HERC1: variants seen among roughly 807,000 people sequenced by gnomAD.
HERC1 encodes the protein probable E3 ubiquitin-protein ligase HERC1.
A neutral mutation model predicts 554.3 loss-of-function variants in HERC1; 160 were observed. That is an observed-to-expected ratio of 0.29 (90% CI 0.25 to 0.33). The LOEUF is 0.33. Ranked by LOEUF, HERC1 falls within the 10% of genes least tolerant of loss-of-function variation. The pLI is 1.00. For missense variants in HERC1, 4,919 were observed against 5,918.5 expected (o/e 0.83, Z 5.54); for synonymous variants, 2,175 against 2,131.7 (o/e 1.02, Z -0.56).
intron 24 of HERC1, 26 bp from the exon 25 acceptor site, chr15:63,706,857 TAAA>T (rs2073034040): frequency 7.0e-7 from 1 of 1,427,452 alleles, no homozygotes; most frequent in African/African-American, 1.4e-5. Flanking sequence ...AGTAAATAAA[TAAA>T]ATTTAGTTGT....
chr15:63,625,212 T>TGTC (rs773851987), intron 71 of HERC1, among the ~76,000 whole-genome samples: 36 of 152,158 alleles, frequency 2.4e-4, no homozygotes, highest in Non-Finnish European at 3.8e-4. Context: ...AAAATTTACT[T>TGTC]TATTTCCCCG....
chr15:63,619,571 G>A (rs2067977837), intron 74 of HERC1, among the ~76,000 whole-genome samples: 2 of 152,170 alleles, frequency 1.3e-5, no homozygotes, highest in South Asian at 4.1e-4. Flanking sequence ...AGAAGGAATG[G>A]TACCAGCTCC....
Position 63,674,956 on chromosome 15 carries a change from G to T in HERC1, c.7232C>A (p.Thr2411Asn), listed in dbSNP as rs1268418725. 3 of 1,613,962 alleles carry T rather than the reference G, an allele frequency of 1.9e-6. No homozygotes were observed. The Admixed American group carries it at 5.0e-5, about 27-fold the overall frequency. The change falls in exon 38 of 78, where the codon ACC (threonine) becomes AAC (asparagine). Residue 2411 changes from threonine (T) to asparagine (N), a missense_variant. Physicochemically the swap from Thr to Asn is moderately conservative, Grantham distance 65. Coordinates refer to ENST00000443617, the MANE Select transcript of HERC1 (RefSeq NM_003922.4). The stretch of plus-strand genomic sequence containing the variant: ...TCGGTGTTTCTTTTCATGTCGTTTG[G>T]TGCTCTGTTTGCCCATGTCTTCATG... The part of the protein sequence containing the change: ...GVHEDMGKQS[T>N]KRHEKKHRHE...
intron 36 of HERC1, among the ~76,000 whole-genome samples, chr15:63,678,935 CCTA>C: frequency 6.6e-6 from 1 of 152,162 alleles, no homozygotes; most frequent in East Asian, 1.9e-4. Context: ...GCATCTGTCT[CCTA>C]CAGTTATTTT....
chr15:63,754,445 T>C, intron 7 of HERC1, 60 bp downstream of exon 7: 1 of 1,432,424 alleles, frequency 7.0e-7, no homozygotes, highest in Non-Finnish European at 9.4e-7. Flanking sequence ...AACTGAAAAA[T>C]AAATTTTTAA....
chr15:63,762,650 T>C (rs1036692187), intron 3 of HERC1, among the ~76,000 whole-genome samples: 5 of 152,114 alleles, frequency 3.3e-5, no homozygotes, highest in Admixed American at 6.6e-5. Flanking sequence ...ATGAAGTTAA[T>C]TGGCCAAGTT....
In HERC1 at chr15:63,729,383, A is replaced by G. The variant is rs2074179769; in HGVS notation, c.3022-15T>C. The G allele has an allele frequency of 2.5e-6, 4 of 1,591,272 alleles. No homozygotes were observed. Among genetic ancestry groups the G allele is most frequent in the Non-Finnish European group, 3.4e-6 (4 of 1,172,280 alleles). Reference sequence around the variant, plus strand: ...CTGCTTGAGTTCTAAGAAGAAAAAAAGTTCCTAAATTACTACTTTGAAAGA... The same window carrying G: ...CTGCTTGAGTTCTAAGAAGAAAAAAGGTTCCTAAATTACTACTTTGAAAGA... On this transcript the variant is annotated splice_polypyrimidine_tract_variant and intron_variant, in intron 15 of 77. Coordinates refer to ENST00000443617, the MANE Select transcript of HERC1 (RefSeq NM_003922.4).
intron 23 of HERC1, 80 bp from the exon 24 acceptor site, chr15:63,712,975 G>T: frequency 7.5e-7 from 1 of 1,331,782 alleles, no homozygotes; most frequent in South Asian, 1.3e-5. Context: ...TTGGAGCACA[G>T]AGATAATATA....
At chr15:63,716,200 T>C in intron 22 of HERC1, 102 bp downstream of exon 22, 4 of 1,104,458 alleles carry the variant, frequency 3.6e-6, no homozygotes, top group Non-Finnish European at 2.6e-6. Flanking sequence ...AAAGTCCTTT[T>C]AGAAAAACTA....
At chr15:63,703,074 C>A (rs1195955338) in intron 25 of HERC1, among the ~76,000 whole-genome samples, 1 of 147,088 alleles carries the variant, frequency 6.8e-6, no homozygotes, top group Non-Finnish European at 1.5e-5. Context: ...CACGCCACTG[C>A]ACTCCAGCCT....
intron 1 of HERC1, among the ~76,000 whole-genome samples, chr15:63,813,925 G>A (rs2077409940): frequency 6.6e-6 from 1 of 152,144 alleles, no homozygotes; most frequent in East Asian, 1.9e-4. Flanking sequence ...AGGGCATGGT[G>A]GCGGGTGCCA....
At chr15:63,729,457 G>C (rs934661145) in intron 15 of HERC1, 40 bp downstream of exon 15, 3 of 1,605,238 alleles carry the variant, frequency 1.9e-6, no homozygotes, top group African/African-American at 2.7e-5. Context: ...GAGTTTCAAG[G>C]TCCCTGATAG....
intron 1 of HERC1, among the ~76,000 whole-genome samples, chr15:63,796,406 A>G (rs1372092665): frequency 6.6e-6 from 1 of 152,230 alleles, no homozygotes; most frequent in Non-Finnish European, 1.5e-5. Context: ...ACAAAACTGA[A>G]ACCATCTTTG....
chr15:63,825,497 T>C (rs866398086), intron 1 of HERC1, among the ~76,000 whole-genome samples: 27 of 152,162 alleles, frequency 1.8e-4, no homozygotes, highest in Admixed American at 9.8e-4. Context: ...ACATTAAATT[T>C]ATACAATAAA....
At chr15:63,632,315 G>C (rs1311095531) in intron 68 of HERC1, 2 of 236,404 alleles carry the variant, frequency 8.5e-6, no homozygotes, top group Non-Finnish European at 1.7e-5. Flanking sequence ...AACCCAGAGT[G>C]CCTATGAATT....
rs772570789 is a variant in HERC1 at position 63,672,581 on chromosome 15, T to C, written c.7960A>G (p.Thr2654Ala). ...TSFMSSSLED[T>A]TTATTPVTDT... is the part of the protein sequence containing the mutation. Reference sequence around the variant, plus strand: ...GTGACTGGAGTGGTGGCAGTTGTGGTGTCCTCCAGAGAGCTGCTCATAAAG... The same window carrying C: ...GTGACTGGAGTGGTGGCAGTTGTGGCGTCCTCCAGAGAGCTGCTCATAAAG... Residue 2654 changes from threonine (T) to alanine (A), a missense_variant, in exon 39 of 78, where the codon ACC becomes GCC. Transcript: ENST00000443617. The C allele has an allele frequency of 2.0e-5, 32 of 1,611,770 alleles. No individual in the cohort carries two copies. The highest frequency in any genetic ancestry group is 7.7e-5 in the South Asian group (7 of 90,426).
intron 34 of HERC1, among the ~76,000 whole-genome samples, chr15:63,685,292 G>C (rs7170608): frequency 0.011 from 1,631 of 152,348 alleles, 28 homozygotes; most frequent in African/African-American, 0.037. Flanking sequence ...GACTGAACTG[G>C]GAGCACAGAG....
intron 1 of HERC1, among the ~76,000 whole-genome samples, chr15:63,808,387 A>G (rs1218854675): frequency 6.6e-6 from 1 of 152,164 alleles, no homozygotes; most frequent in Non-Finnish European, 1.5e-5. Context: ...TCCTGGGTCC[A>G]AGTGATCCTC....
chr15:63,678,437 T>C, intron 36 of HERC1, 72 bp from the exon 37 acceptor site: 2 of 1,452,626 alleles, frequency 1.4e-6, no homozygotes, highest in Admixed American at 2.8e-5. Context: ...AATTCTAACA[T>C]GTAGAATCCC....
Sources: gnomAD v4.1 joint callset for allele counts (sites outside exome capture counted in the v4.1 genomes callset) on GRCh38, gnomAD v4.1.1 for gene constraint, MANE v1.5 for transcripts, NCBI Gene and HGNC (gene_info 2026-07-23, HGNC 2026-07-21) for gene names.